FAM114A1: variants seen among roughly 807,000 people sequenced by gnomAD.
The protein encoded by FAM114A1 is family with sequence similarity 114 member A1.
Under a neutral mutation model 64.3 loss-of-function variants are expected in FAM114A1, and 62 were observed. That is an observed-to-expected ratio of 0.96 (90% CI 0.79 to 1.19). FAM114A1 has a LOEUF of 1.19. FAM114A1 is among the 50% of genes most tolerant of loss of function. The pLI, the probability that FAM114A1 is intolerant of heterozygous loss-of-function variation, is 0.00. For missense variants in FAM114A1, 645 were observed against 676.3 expected (o/e 0.95, Z 0.51); for synonymous variants, 254 against 251.1 (o/e 1.01, Z -0.11).
At chr4:38,894,709 G>A (rs1716744860) in intron 4 of FAM114A1, among the ~76,000 whole-genome samples, 1 of 152,166 alleles carries the variant, frequency 6.6e-6, no homozygotes, top group African/African-American at 2.4e-5. Context: ...TAAACACGTG[G>A]TTTCTCTGAG....
At position 38,922,904 on chromosome 4, in the gene FAM114A1, A is replaced by G; in HGVS notation, c.1069+11A>G. On this transcript the variant is annotated intron_variant, in intron 9 of 14. Coordinates refer to ENST00000358869, the MANE Select transcript of FAM114A1 (RefSeq NM_138389.4). ...ATCAAGAAGAACAAGGTAAAGGAAAATAACTTAAATAGCAAGACAAACTGT... is the reference window on the plus strand; with the variant it reads ...ATCAAGAAGAACAAGGTAAAGGAAAGTAACTTAAATAGCAAGACAAACTGT... 4 of 1,601,552 alleles carry G rather than the reference A, an allele frequency of 2.5e-6. No individual in the cohort carries two copies. Among genetic ancestry groups the G allele is most frequent in the Non-Finnish European group, 3.4e-6 (4 of 1,176,174 alleles).
rs202220961 is a variant in FAM114A1, at chr4:38,905,534, C to T, written c.449C>T (p.Thr150Met). 1.5e-4 allele frequency: 240 copies of T among 1,613,426 alleles called. No individual in the cohort carries two copies. The highest frequency in any genetic ancestry group is 1.9e-4 in the Non-Finnish European group (223 of 1,179,640). Reference sequence around the variant, plus strand: ...TTATTTCCAACAGGTCATGGATTGACGGCAGTCAAGGAAAAAGCAGGAGCC... The same window carrying T: ...TTATTTCCAACAGGTCATGGATTGATGGCAGTCAAGGAAAAAGCAGGAGCC... ...SASATVGHGL[T>M]AVKEKAGATL... The change falls in exon 5 of 15, where the codon ACG becomes ATG. Residue 150 changes from threonine to methionine, a missense_variant. Coordinates refer to ENST00000358869, the MANE Select transcript of FAM114A1 (RefSeq NM_138389.4).
In FAM114A1 at chr4:38,922,837, T is replaced by G. The variant is rs1274843596; in HGVS notation, c.1013T>G (p.Ile338Ser). The change falls in exon 9 of 15, where the codon ATT (isoleucine) becomes AGT (serine). Residue 338 changes from isoleucine to serine, a missense_variant. Coordinates refer to ENST00000358869, the MANE Select transcript of FAM114A1 (RefSeq NM_138389.4). ...CTCTTAAAAAATGACCTAATTTCCA[T>G]TAAAGACATCTTTGCAGCCAAAGAA... Reference protein sequence around the residue: ...LELLKNDLISIKDIFAAKELE... With the variant: ...LELLKNDLISSKDIFAAKELE... 1.2e-6 allele frequency: 2 copies of G among 1,613,674 alleles called. No individual in the cohort carries two copies. The highest frequency in any genetic ancestry group is 2.2e-5 in the South Asian group (2 of 90,906).
At chr4:38,893,823 C>A (rs1229485258) in intron 4 of FAM114A1, among the ~76,000 whole-genome samples, 1 of 152,122 alleles carries the variant, frequency 6.6e-6, no homozygotes, top group Non-Finnish European at 1.5e-5. Flanking sequence ...GGTTTTGTCA[C>A]CTGGTTCACA....
intron 9 of FAM114A1, among the ~76,000 whole-genome samples, chr4:38,923,771 A>G (rs569957938): frequency 6.6e-6 from 1 of 152,302 alleles, no homozygotes; most frequent in South Asian, 2.1e-4. Context: ...ACACTTCCCA[A>G]TAATCTTCCA....
intron 3 of FAM114A1, among the ~76,000 whole-genome samples, chr4:38,883,974 A>G (rs574065109): frequency 4.2e-4 from 64 of 152,254 alleles, no homozygotes; most frequent in African/African-American, 1.5e-3. Flanking sequence ...CCTGGGCTCT[A>G]CCCTAAGAGA....
intron 10 of FAM114A1, 48 bp downstream of exon 10, chr4:38,929,381 G>A (rs748580512): frequency 1.6e-6 from 2 of 1,279,104 alleles, no homozygotes; most frequent in Non-Finnish European, 2.2e-6. Flanking sequence ...AAACAGTGCA[G>A]GGGAGAGTCT....
chr4:38,902,349 CAT>C (rs909037321), intron 4 of FAM114A1, among the ~76,000 whole-genome samples: 3 of 152,184 alleles, frequency 2.0e-5, no homozygotes, highest in Non-Finnish European at 2.9e-5. Flanking sequence ...AGAGATTTCA[CAT>C]GTTTCTTCTC....
At chr4:38,895,674 C>T (rs963069687) in intron 4 of FAM114A1, among the ~76,000 whole-genome samples, 2 of 152,162 alleles carry the variant, frequency 1.3e-5, no homozygotes, top group Non-Finnish European at 2.9e-5. Context: ...ATGGGAATAC[C>T]TTCTGAGAAA....
intron 2 of FAM114A1, among the ~76,000 whole-genome samples, chr4:38,869,507 T>C (rs1713803348): frequency 6.6e-6 from 1 of 152,152 alleles, no homozygotes. Flanking sequence ...TGGATTATGA[T>C]GGGAAGTGTG....
intron 2 of FAM114A1, among the ~76,000 whole-genome samples, chr4:38,876,469 C>CCAGGA (rs1714653630): frequency 6.6e-6 from 1 of 151,996 alleles, no homozygotes; most frequent in African/African-American, 2.4e-5. Context: ...TTGCACCCTG[C>CCAGGA]CTTCCTATGC....
intron 13 of FAM114A1, among the ~76,000 whole-genome samples, chr4:38,936,384 G>A (rs780300369): frequency 1.6e-4 from 24 of 151,732 alleles, no homozygotes; most frequent in Non-Finnish European, 2.8e-4. Context: ...GTGAGCCACC[G>A]CGCCTGGCCT....
rs188584400 is a variant in FAM114A1, at chr4:38,901,204, A to T, written c.437-4318A>T. Reference sequence around the variant, plus strand: ...ATAGGAAGTAGCCATTGAGCTATCCAGTCATCCAGGGTGCTGCAGAGAACT... The same window carrying T: ...ATAGGAAGTAGCCATTGAGCTATCCTGTCATCCAGGGTGCTGCAGAGAACT... On this transcript the variant is annotated intron_variant, in intron 4 of 14. Transcript: ENST00000358869. Among the ~76,000 whole-genome samples the T allele has an allele frequency of 5.3e-5, 8 of 152,316 alleles. No homozygotes were observed. The East Asian group carries it at 1.5e-3, about 29-fold the overall frequency.
chr4:38,887,028 G>A (rs926247367), intron 3 of FAM114A1, among the ~76,000 whole-genome samples: 2 of 152,038 alleles, frequency 1.3e-5, no homozygotes, highest in Non-Finnish European at 2.9e-5. Context: ...TAACCAGATC[G>A]GGAGATGTGT....
chr4:38,931,744 C>G (rs770521472), intron 11 of FAM114A1, 132 bp downstream of exon 11: 30 of 889,864 alleles, frequency 3.4e-5, no homozygotes, highest in Non-Finnish European at 4.4e-5. Flanking sequence ...AGTTTGAGAC[C>G]AGCCTGGCCA....
At chr4:38,868,202 G>T in intron 1 of FAM114A1, 196 bp from the exon 2 acceptor site, 1 of 187,318 alleles carries the variant, frequency 5.3e-6, no homozygotes. Flanking sequence ...CTGGCACCAA[G>T]CAAGTCTGGA....
At chr4:38,878,942 A>G (rs1430731523) in intron 3 of FAM114A1, among the ~76,000 whole-genome samples, 1 of 151,876 alleles carries the variant, frequency 6.6e-6, no homozygotes, top group African/African-American at 2.4e-5. Context: ...GGAGATCTTC[A>G]GCCTTCAGAT....
chr4:38,896,732 C>T (rs1716978311), intron 4 of FAM114A1, among the ~76,000 whole-genome samples: 1 of 152,188 alleles, frequency 6.6e-6, no homozygotes, highest in African/African-American at 2.4e-5. Flanking sequence ...GTGTCAACCC[C>T]AGGGCTTTAC....
chr4:38,913,815 C>T (rs565291802), intron 7 of FAM114A1, among the ~76,000 whole-genome samples: 8 of 152,128 alleles, frequency 5.3e-5, no homozygotes, highest in East Asian at 1.9e-4. Context: ...TATTAAAACT[C>T]GGCCAGGTGC....
Sources: gnomAD v4.1 joint callset for allele counts (sites outside exome capture counted in the v4.1 genomes callset) on GRCh38, gnomAD v4.1.1 for gene constraint, MANE v1.5 for transcripts, NCBI Gene and HGNC (gene_info 2026-07-23, HGNC 2026-07-21) for gene names.